The following ATF7 variants were observed in gnomAD, a reference collection of about 807,000 sequenced individuals.
ATF7 encodes the protein activating transcription factor 7.
In ATF7, 10 loss-of-function variants were observed where a neutral mutation model predicts 50.4. The observed-to-expected ratio is 0.20, with a 90% confidence interval of 0.12 to 0.34. The LOEUF (loss-of-function observed/expected upper bound fraction) is 0.34, where lower values mean the gene tolerates loss of function less well. Ranked by LOEUF, ATF7 falls within the 10% of genes least tolerant of loss-of-function variation. The pLI, the probability that ATF7 is intolerant of heterozygous loss-of-function variation, is 1.00. For synonymous variants in ATF7, 201 were observed against 226.4 expected (o/e 0.89, Z 1.01); for missense variants, 465 against 613.9 (o/e 0.76, Z 2.56).
chr12:53,606,449 T>C (rs1420744284), intron 1 of ATF7, among the ~76,000 whole-genome samples: 1 of 152,130 alleles, frequency 6.6e-6, no homozygotes, highest in African/African-American at 2.4e-5. Context: ...GGTTTCTCCA[T>C]GTTGGTCAGG....
In ATF7 at chr12:53,517,349, G is replaced by A; in HGVS notation, c.1240C>T (p.Pro414Ser). Residue 414 changes from proline to serine, a missense_variant, in exon 12 of 12, where the codon CCC (proline) becomes TCC (serine). Physicochemically the swap from Pro to Ser is moderately conservative, Grantham distance 74 (BLOSUM62 -1). Coordinates refer to ENST00000420353, the MANE Select transcript of ATF7 (RefSeq NM_006856.3). ...QKKTQGYLESPKESSEPTGSP... is the reference protein window; with the variant it reads ...QKKTQGYLESSKESSEPTGSP... ...CCCGTTGGCTCTGAGCTTTCCTTGG[G>A]GCTTTCTGCCAGGAAGGAGGGCAAA... The A allele has an allele frequency of 6.2e-7, 1 of 1,612,980 alleles. No homozygotes were observed. Among genetic ancestry groups the A allele is most frequent in the South Asian group, 1.1e-5 (1 of 90,968 alleles).
At chr12:53,587,843 A>ATATATATATATATTTTTT in intron 2 of ATF7, among the ~76,000 whole-genome samples, 7 of 61,566 alleles carry the variant, frequency 1.1e-4, no homozygotes, top group Admixed American at 2.3e-4. Flanking sequence ...ATATATATAT[A>ATATATATATATATTTTTT]TTTTTTTTTT....
chr12:53,578,157 G>C (rs1357937696), intron 2 of ATF7, among the ~76,000 whole-genome samples: 3 of 152,142 alleles, frequency 2.0e-5, no homozygotes, highest in Non-Finnish European at 2.9e-5. Context: ...TGGATTGCTT[G>C]TGTCCAGGAG....
intron 11 of ATF7, among the ~76,000 whole-genome samples, chr12:53,520,379 C>A (rs1355720510): frequency 6.6e-6 from 1 of 152,072 alleles, no homozygotes; most frequent in Non-Finnish European, 1.5e-5. Context: ...GAGTCTGAGA[C>A]CAGCCTGGCC....
chr12:53,565,975 G>A (rs1941427146), intron 2 of ATF7, among the ~76,000 whole-genome samples: 1 of 152,166 alleles, frequency 6.6e-6, no homozygotes, highest in Non-Finnish European at 1.5e-5. Flanking sequence ...AGGCAAAGGA[G>A]AAGCAGAGTC....
chr12:53,623,925 A>C (rs1484714065), intron 1 of ATF7, among the ~76,000 whole-genome samples: 1 of 152,236 alleles, frequency 6.6e-6, no homozygotes, highest in Non-Finnish European at 1.5e-5. Flanking sequence ...CGTGGTAAAC[A>C]AACGTGTTTA....
At chr12:53,602,206 G>A (rs768999583) in intron 1 of ATF7, among the ~76,000 whole-genome samples, 3 of 152,138 alleles carry the variant, frequency 2.0e-5, no homozygotes, top group African/African-American at 4.8e-5. Flanking sequence ...AAAAGAATAC[G>A]AACGAGGGAA....
chr12:53,582,209 A>G lies in ATF7; in HGVS notation c.48+18744T>C, dbSNP rs1040942832. ...CTGAGCATGGTGGCGCGCGCCTGTA[A>G]TCCCAGCTACTCAGGAGGCTGAGGC... On this transcript the variant is annotated intron_variant, in intron 2 of 11. Transcript: ENST00000420353. Among the ~76,000 whole-genome samples the G allele has an allele frequency of 2.6e-5, 4 of 151,548 alleles. No individual in the cohort carries two copies. The East Asian group carries it at 7.8e-4, about 29-fold the overall frequency.
chr12:53,578,247 A>G (rs975863789), intron 2 of ATF7, among the ~76,000 whole-genome samples: 1 of 151,450 alleles, frequency 6.6e-6, no homozygotes, highest in Non-Finnish European at 1.5e-5. Flanking sequence ...CCTGGCGTGT[A>G]CCTATAGTCC....
At chr12:53,583,142 T>C (rs1942515954) in intron 2 of ATF7, among the ~76,000 whole-genome samples, 1 of 152,038 alleles carries the variant, frequency 6.6e-6, no homozygotes, top group Non-Finnish European at 1.5e-5. Flanking sequence ...GAAGATAATA[T>C]AGGGGAACAC....
At chr12:53,618,411 T>C (rs542298520) in intron 1 of ATF7, among the ~76,000 whole-genome samples, 15 of 152,284 alleles carry the variant, frequency 9.9e-5, no homozygotes, top group African/African-American at 3.1e-4. Context: ...TAATTTAATA[T>C]GCACATTCAT....
chr12:53,550,753 T>C (rs1316696791), intron 3 of ATF7, among the ~76,000 whole-genome samples: 1 of 152,174 alleles, frequency 6.6e-6, no homozygotes, highest in Admixed American at 6.6e-5. Context: ...ACACACCAGG[T>C]CTTAACTGGA....
At chr12:53,586,852 G>C (rs1171414314) in intron 2 of ATF7, among the ~76,000 whole-genome samples, 3 of 152,192 alleles carry the variant, frequency 2.0e-5, no homozygotes, top group Non-Finnish European at 4.4e-5. Flanking sequence ...TGGTCTATCA[G>C]AGGCACCCAG....
intron 2 of ATF7, among the ~76,000 whole-genome samples, chr12:53,565,319 G>A (rs1480567368): frequency 6.6e-6 from 1 of 150,862 alleles, no homozygotes; most frequent in Non-Finnish European, 1.5e-5. Context: ...TTTTTCAAAT[G>A]TTACTTATTA....
chr12:53,607,975 T>A (rs190851528), intron 1 of ATF7, among the ~76,000 whole-genome samples: 1 of 152,214 alleles, frequency 6.6e-6, no homozygotes, highest in African/African-American at 2.4e-5. Context: ...ATCCCAGCAC[T>A]CTGGGAGGCC....
chr12:53,508,729 G>A (rs1944072450), downstream of ATF7, among the ~76,000 whole-genome samples: 2 of 152,116 alleles, frequency 1.3e-5, no homozygotes, highest in Non-Finnish European at 1.5e-5. Flanking sequence ...AAGCACTGCT[G>A]CCACCCTGTG....
intron 2 of ATF7, among the ~76,000 whole-genome samples, chr12:53,592,572 T>C (rs533674534): frequency 6.6e-6 from 1 of 152,202 alleles, no homozygotes. Context: ...TGTGGTTAAA[T>C]AGATTCAACC....
At chr12:53,611,644 G>A (rs1318501356) in intron 1 of ATF7, among the ~76,000 whole-genome samples, 1 of 152,076 alleles carries the variant, frequency 6.6e-6, no homozygotes, top group East Asian at 1.9e-4. Context: ...AGGTTAGAGT[G>A]CAGTAACGGG....
rs1184494844 is a variant in ATF7 at position 53,516,316 on chromosome 12, A to G, written c.*821T>C. 6.6e-6 allele frequency: 1 copy of G among 152,228 alleles called. No individual in the cohort carries two copies. Among genetic ancestry groups the G allele is most frequent in the Non-Finnish European group, 1.5e-5 (1 of 68,048 alleles). 9.4% of individuals were successfully genotyped at this position (152,228 alleles called of 1,614,324 possible). A position where few individuals can be genotyped will look rare whatever the true frequency, so the allele number is the denominator to read the frequency against. On this transcript the variant is annotated 3_prime_UTR_variant, in exon 12 of 12. Transcript: ENST00000420353. ...CTGGGCCCTTCCCTTTTCACTACCA[A>G]GCAATCTTTAATAATAAGGCCACAA... is the stretch of plus-strand genomic sequence containing the variant.
Sources: allele counts gnomAD v4.1 joint callset (sites outside exome capture counted in the v4.1 genomes callset), GRCh38; gene constraint gnomAD v4.1.1; transcripts MANE v1.5; gene names NCBI Gene and HGNC (gene_info 2026-07-23, HGNC 2026-07-21).